Variants in TBC1D9 observed in about 807,000 individuals in gnomAD.
TBC1D9 encodes TBC1 domain family member 9.
TBC1D9 carries 63 observed loss-of-function variants against 132.0 expected under a neutral mutation model. The observed-to-expected ratio is 0.48, with a 90% CI of 0.39 to 0.59. The LOEUF (loss-of-function observed/expected upper bound fraction) is 0.59. TBC1D9 is among the 20% of genes least tolerant of loss of function. TBC1D9 has a pLI of 0.00. For synonymous variants in TBC1D9, 610 were observed against 609.9 expected (o/e 1.00, Z 0.00); for missense variants, 1,261 against 1,592.7 (o/e 0.79, Z 3.54).
In TBC1D9 at chr4:140,756,057, C is replaced by G; in HGVS notation, c.-12G>C. ...GGGTTCACCCACATGGTCCTGGCTG[C>G]CGCGGGCGGGCGCACAATGGGCCCG... On this transcript the variant is annotated 5_prime_UTR_variant, in exon 1 of 21. Coordinates refer to ENST00000442267, the MANE Select transcript of TBC1D9 (RefSeq NM_015130.3). The surrounding 1 kb of genome is among the most constrained non-coding windows in gnomAD (Gnocchi z 5.6). 6.2e-7 allele frequency: 1 copy of G among 1,602,668 alleles called. No homozygotes were observed. Among genetic ancestry groups the G allele is most frequent in the Non-Finnish European group, 8.5e-7 (1 of 1,174,742 alleles).
At chr4:140,625,186 A>AT (rs964887621) in intron 18 of TBC1D9, among the ~76,000 whole-genome samples, 33 of 152,042 alleles carry the variant, frequency 2.2e-4, no homozygotes, top group African/African-American at 2.7e-4. Flanking sequence ...TATGAGACAG[A>AT]TTTTTTTTGC....
At chr4:140,628,134 A>C (rs559326693) in intron 17 of TBC1D9, among the ~76,000 whole-genome samples, 166 bp downstream of exon 17, 62 of 152,234 alleles carry the variant, frequency 4.1e-4, no homozygotes, top group Non-Finnish European at 7.9e-4. Flanking sequence ...AATCAAGTGC[A>C]TGCTGATTCA....
chr4:140,662,830 C>T (rs1394889221), intron 9 of TBC1D9, among the ~76,000 whole-genome samples: 2 of 152,146 alleles, frequency 1.3e-5, no homozygotes, highest in East Asian at 1.9e-4. Context: ...AATTACATTC[C>T]TGTTGGGAAG....
At position 140,627,461 on chromosome 4, in the gene TBC1D9, A is replaced by G; in HGVS notation, c.2879T>C (p.Ile960Thr). The change falls in exon 18 of 21, where the codon ATT becomes ACT. Residue 960 changes from isoleucine (I) to threonine (T), a missense_variant. Transcript: ENST00000442267. ...CTTACCATGTGTACATTCTGGGGTAATATCTTCAAAGAAGTACTGAGTTGC... is the reference window on the plus strand; with the variant it reads ...CTTACCATGTGTACATTCTGGGGTAGTATCTTCAAAGAAGTACTGAGTTGC... ...FEATQYFFEDITPECTHVVGL... is the reference protein window; with the variant it reads ...FEATQYFFEDTTPECTHVVGL... 2 of 1,608,630 alleles carry G rather than the reference A, an allele frequency of 1.2e-6. No homozygotes were observed. The highest frequency in any genetic ancestry group is 1.7e-6 in the Non-Finnish European group (2 of 1,176,222).
At chr4:140,731,668 TACACACAC>T (rs56768107) in intron 1 of TBC1D9, among the ~76,000 whole-genome samples, 1 of 147,122 alleles carries the variant, frequency 6.8e-6, no homozygotes, top group Non-Finnish European at 1.5e-5. Context: ...TTAAAACACA[TACACACAC>T]ACACACACAC....
At chr4:140,637,563 T>A (rs1377464224) in intron 15 of TBC1D9, among the ~76,000 whole-genome samples, 1 of 152,200 alleles carries the variant, frequency 6.6e-6, no homozygotes, top group Non-Finnish European at 1.5e-5. Flanking sequence ...CCTGCCCCCA[T>A]GCCCTGAGAA....
intron 15 of TBC1D9, among the ~76,000 whole-genome samples, chr4:140,635,670 G>C (rs1736868336): frequency 6.6e-6 from 1 of 152,156 alleles, no homozygotes. Flanking sequence ...TAGTGAAAAA[G>C]CTAAAAAGAG....
intron 1 of TBC1D9, among the ~76,000 whole-genome samples, chr4:140,730,939 AT>A (rs1367389474): frequency 6.6e-6 from 1 of 152,180 alleles, no homozygotes; most frequent in Non-Finnish European, 1.5e-5. Context: ...TTGAGCTGGT[AT>A]TCCGAAGATT....
intron 13 of TBC1D9, among the ~76,000 whole-genome samples, chr4:140,656,449 C>A (rs1439961020): frequency 6.6e-6 from 1 of 152,294 alleles, no homozygotes; most frequent in Non-Finnish European, 1.5e-5. Flanking sequence ...GCAAATAACT[C>A]ATAATCTTCC....
chr4:140,722,488 C>A (rs372669272), intron 1 of TBC1D9, among the ~76,000 whole-genome samples: 6 of 152,268 alleles, frequency 3.9e-5, no homozygotes, highest in African/African-American at 1.4e-4. Flanking sequence ...ATTTGTTCAT[C>A]TGGGAAACAT....
chr4:140,641,589 G>A (rs1217878289), intron 13 of TBC1D9, among the ~76,000 whole-genome samples: 1 of 152,010 alleles, frequency 6.6e-6, no homozygotes, highest in African/African-American at 2.4e-5. Flanking sequence ...CACAGCCTGG[G>A]GTCTCTGGGT....
intron 13 of TBC1D9, among the ~76,000 whole-genome samples, chr4:140,655,819 C>T (rs1737258775): frequency 1.3e-5 from 2 of 152,260 alleles, no homozygotes; most frequent in Non-Finnish European, 2.9e-5. Flanking sequence ...CTGGGCTATA[C>T]AGGCTATACT....
chr4:140,622,019 G>A lies in TBC1D9; in HGVS notation c.*176C>T. The A allele has an allele frequency of 2.4e-6, 2 of 840,954 alleles. No individual in the cohort carries two copies. Among genetic ancestry groups the A allele is most frequent in the Admixed American group, 3.3e-5 (1 of 30,678 alleles). 52.1% of individuals were successfully genotyped at this position (840,954 alleles called of 1,614,324 possible). ...CAAGAGTGTAATGTACCTACATTGA[G>A]GTGTTTAAATATTTCTCCAACAGTT... On this transcript the variant is annotated 3_prime_UTR_variant, in exon 21 of 21. Coordinates refer to ENST00000442267, the MANE Select transcript of TBC1D9 (RefSeq NM_015130.3).
At chr4:140,645,207 A>G in intron 13 of TBC1D9, 1 of 541,952 alleles carries the variant, frequency 1.8e-6, no homozygotes, top group South Asian at 1.4e-5. Flanking sequence ...CCAGGCCCCC[A>G]GCAGCCATTA....
intron 7 of TBC1D9, among the ~76,000 whole-genome samples, chr4:140,670,395 T>C (rs1011174306): frequency 1.3e-5 from 2 of 152,204 alleles, no homozygotes; most frequent in Non-Finnish European, 2.9e-5. Context: ...GTATTTCAGG[T>C]TTGAGACTTT....
intron 2 of TBC1D9, among the ~76,000 whole-genome samples, chr4:140,698,614 T>C (rs1178171416): frequency 6.6e-6 from 1 of 151,826 alleles, no homozygotes; most frequent in African/African-American, 2.4e-5. Flanking sequence ...AGGGCGTGCC[T>C]GTAATCCCAG....
chr4:140,726,432 C>T (rs1738502418), intron 1 of TBC1D9, among the ~76,000 whole-genome samples: 1 of 152,076 alleles, frequency 6.6e-6, no homozygotes, highest in African/African-American at 2.4e-5. Context: ...CATGCGCAAA[C>T]TTTTCTCCTC....
At chr4:140,723,993 TCAGACTCC>T (rs1560896766) in intron 1 of TBC1D9, among the ~76,000 whole-genome samples, 1 of 152,132 alleles carries the variant, frequency 6.6e-6, no homozygotes, top group South Asian at 2.1e-4. Flanking sequence ...TCCTCCCACC[TCAGACTCC>T]CAAAGCGCTG....
At chr4:140,744,879 T>TGA (rs1738813811) in intron 1 of TBC1D9, among the ~76,000 whole-genome samples, 1 of 107,516 alleles carries the variant, frequency 9.3e-6, no homozygotes, top group Non-Finnish European at 1.8e-5. Context: ...CAAGAGTGTT[T>TGA]AAAAAAAAAA....
Sources: gnomAD v4.1 joint callset for allele counts (sites outside exome capture counted in the v4.1 genomes callset) on GRCh38, gnomAD v4.1.1 for gene constraint, Gnocchi (gnomAD v3.1) non-coding constraint, MANE v1.5 for transcripts, NCBI Gene and HGNC (gene_info 2026-07-23, HGNC 2026-07-21) for gene names.